PARVB: variants seen among roughly 807,000 people sequenced by gnomAD.
The protein encoded by PARVB is parvin beta.
In PARVB, 46 loss-of-function variants were observed where a neutral mutation model predicts 47.0. That is an observed-to-expected ratio of 0.98 (90% CI 0.77 to 1.25). The LOEUF is 1.25. PARVB is among the 50% of genes most tolerant of loss of function. The pLI is 0.00. For missense variants in PARVB, 473 were observed against 471.6 expected (o/e 1.00, Z -0.03); for synonymous variants, 196 against 196.3 (o/e 1.00, Z 0.01).
At chr22:44,064,974 A>G (rs2051490570) in intron 1 of PARVB, among the ~76,000 whole-genome samples, 1 of 152,248 alleles carries the variant, frequency 6.6e-6, no homozygotes, top group Admixed American at 6.5e-5. Context: ...GTATGAAACC[A>G]AGAGGAAATG....
rs138970986 is a variant in PARVB, at chr22:44,094,973, G to A, written c.202+956G>A. ...GTGGCGTGGTATGGTGTGGCGTGGC[G>A]TGGCATGTCCCCAGGGCCAGGGGAG... is the stretch of plus-strand genomic sequence containing the variant. On this transcript the variant is annotated intron_variant, in intron 2 of 12. Coordinates refer to ENST00000338758, the MANE Select transcript of PARVB (RefSeq NM_013327.5). Among the ~76,000 whole-genome samples the A allele has an allele frequency of 7.9e-5, 12 of 151,538 alleles. No individual in the cohort carries two copies. In the East Asian group the frequency reaches 1.7e-3, roughly 22 times the overall value.
chr22:44,122,562 C>CAGAGAGAGAGAG (rs55865160), intron 4 of PARVB, among the ~76,000 whole-genome samples: 6 of 78,798 alleles, frequency 7.6e-5, no homozygotes, highest in East Asian at 4.0e-4. Context: ...GACACAGAGA[C>CAGAGAGAGAGAG]AGAGAGAGAG....
intron 4 of PARVB, among the ~76,000 whole-genome samples, chr22:44,128,209 A>G (rs2053231930): frequency 6.6e-6 from 1 of 152,172 alleles, no homozygotes; most frequent in Non-Finnish European, 1.5e-5. Flanking sequence ...ATATGGCCAG[A>G]GTGAGGTGCC....
intron 12 of PARVB, among the ~76,000 whole-genome samples, chr22:44,165,564 C>T (rs1332985891): frequency 6.6e-6 from 1 of 152,218 alleles, no homozygotes; most frequent in African/African-American, 2.4e-5. Context: ...TTTGCCTCTC[C>T]CCAGCTGTGC....
intron 1 of PARVB, among the ~76,000 whole-genome samples, chr22:44,090,847 C>T (rs1362546672): frequency 1.3e-5 from 2 of 152,254 alleles, no homozygotes; most frequent in Non-Finnish European, 1.5e-5. Flanking sequence ...ACCCCGACCC[C>T]CTGTGCTCCA....
At chr22:44,065,199 T>TC (rs1193723224) in intron 1 of PARVB, among the ~76,000 whole-genome samples, 1 of 152,056 alleles carries the variant, frequency 6.6e-6, no homozygotes, top group African/African-American at 2.4e-5. Context: ...TGCTTCGTCT[T>TC]CCCCAGATGA....
intron 10 of PARVB, among the ~76,000 whole-genome samples, chr22:44,156,561 G>A (rs2053939683): frequency 6.6e-6 from 1 of 152,206 alleles, no homozygotes. Flanking sequence ...ACAGGCGTGA[G>A]CCACTGCGCC....
At chr22:44,046,861 T>C (rs1738553906) in intron 1 of PARVB, among the ~76,000 whole-genome samples, 1 of 152,036 alleles carries the variant, frequency 6.6e-6, no homozygotes, top group Admixed American at 6.6e-5. Flanking sequence ...TCTGCTGAGG[T>C]CCTTATCAGT....
intron 1 of PARVB, among the ~76,000 whole-genome samples, chr22:44,090,842 G>C (rs964017690): frequency 6.6e-6 from 1 of 152,186 alleles, no homozygotes; most frequent in East Asian, 1.9e-4. Context: ...CTTCCACCCC[G>C]ACCCCCTGTG....
rs1252179625 is a variant in PARVB, at chr22:44,125,947, C to T, written c.377-5540C>T. Among the ~76,000 whole-genome samples the T allele has an allele frequency of 2.0e-5, 3 of 152,102 alleles. No homozygotes were observed. Among genetic ancestry groups the T allele is most frequent in the Non-Finnish European group, 4.4e-5 (3 of 68,026 alleles). ...GGGAGGTACTGTACAGTTAAACTGC[C>T]ATAGGAACCAAGACTGATGGCCAGG... On this transcript the variant is annotated intron_variant, in intron 4 of 12. Coordinates refer to ENST00000338758, the MANE Select transcript of PARVB (RefSeq NM_013327.5). The surrounding 1 kb of genome is among the most constrained non-coding windows in gnomAD (Gnocchi z 4.1).
chr22:44,062,300 C>T (rs1191716016), intron 1 of PARVB, among the ~76,000 whole-genome samples: 1 of 152,104 alleles, frequency 6.6e-6, no homozygotes, highest in African/African-American at 2.4e-5. Flanking sequence ...AATCAGGGTC[C>T]CCACGACTGC....
chr22:44,087,857 T>TTTTC (rs2052064370), intron 1 of PARVB, among the ~76,000 whole-genome samples: 1 of 150,992 alleles, frequency 6.6e-6, no homozygotes, highest in African/African-American at 2.4e-5. Context: ...TTTTTTTTTT[T>TTTTC]TTTTTTCTTT....
chr22:44,002,289 C>A (rs1189038767), intron 2 of PARVB, among the ~76,000 whole-genome samples: 1 of 152,240 alleles, frequency 6.6e-6, no homozygotes, highest in African/African-American at 2.4e-5. Context: ...ATTTTTTCAG[C>A]TTTCGGGGTC....
At chr22:44,080,891 A>G (rs2051884888) in intron 1 of PARVB, among the ~76,000 whole-genome samples, 1 of 152,140 alleles carries the variant, frequency 6.6e-6, no homozygotes, top group African/African-American at 2.4e-5. Context: ...AGAGCACTGT[A>G]GACGCAAATC....
At chr22:44,003,077 G>A (rs183790426) in intron 2 of PARVB, among the ~76,000 whole-genome samples, 10 of 152,156 alleles carry the variant, frequency 6.6e-5, no homozygotes, top group South Asian at 6.2e-4. Context: ...TACTTCCCCC[G>A]TGCTTTTCAA....
chr22:44,038,886 A>G (rs2050968296), intron 1 of PARVB, among the ~76,000 whole-genome samples: 1 of 152,212 alleles, frequency 6.6e-6, no homozygotes, highest in East Asian at 1.9e-4. Context: ...GGTCCAGGAG[A>G]TGGAGAGAAC....
chr22:44,151,388 A>T, intron 9 of PARVB, 95 bp from the exon 10 acceptor site: 1 of 883,944 alleles, frequency 1.1e-6, no homozygotes, highest in Non-Finnish European at 1.9e-6. Flanking sequence ...AAAGCGTTTC[A>T]CAGAGCTGGG....
intron 1 of PARVB, among the ~76,000 whole-genome samples, chr22:44,042,427 G>A (rs528967760): frequency 6.6e-6 from 1 of 152,110 alleles, no homozygotes; most frequent in Non-Finnish European, 1.5e-5. Context: ...AAGTGAAGGG[G>A]CTGGGGCTTT....
In PARVB at chr22:44,169,032, G is replaced by T; in HGVS notation, c.*354G>T. ...AAAGCCTGAACCCCAACCCCCAGCT[G>T]GTTGAGAGCACCCTGCATTCTGCCT... is the stretch of plus-strand genomic sequence containing the variant. On this transcript the variant is annotated 3_prime_UTR_variant, in exon 13 of 13. Transcript: ENST00000338758. 4.5e-6 allele frequency: 1 copy of T among 220,358 alleles called. No individual in the cohort carries two copies. Among genetic ancestry groups the T allele is most frequent in the South Asian group, 7.1e-5 (1 of 14,130 alleles). 13.7% of individuals were successfully genotyped at this position (220,358 alleles called of 1,614,324 possible). A position where few individuals can be genotyped will look rare whatever the true frequency, so the allele number is the denominator to read the frequency against.
Sources: gnomAD v4.1 joint callset for allele counts (sites outside exome capture counted in the v4.1 genomes callset) on GRCh38, gnomAD v4.1.1 for gene constraint, Gnocchi (gnomAD v3.1) non-coding constraint, MANE v1.5 for transcripts, NCBI Gene and HGNC (gene_info 2026-07-23, HGNC 2026-07-21) for gene names.